LIPA: variants seen among roughly 807,000 people sequenced by gnomAD.
LIPA encodes the protein lysosomal acid lipase/cholesteryl ester hydrolase.
Under a neutral mutation model 40.6 loss-of-function variants are expected in LIPA, and 26 were observed. That is an observed-to-expected ratio of 0.64 (90% confidence interval 0.47 to 0.89). The LOEUF (loss-of-function observed/expected upper bound fraction) is 0.89, where lower values mean the gene tolerates loss of function less well. LIPA is among the 40% of genes least tolerant of loss of function. The probability of loss-of-function intolerance (pLI) is 0.00; values close to 1 mark genes in which losing one functional copy is unlikely to be tolerated. For missense variants in LIPA, 455 were observed against 479.6 expected, an observed-to-expected ratio of 0.95 and a Z score of 0.48; for synonymous variants, 188 against 168.4, an observed-to-expected ratio of 1.12 and a Z score of -0.90.
chr10:89,383,924 A>G (rs1844183293), intron 2 of LIPA: 2 of 1,614,210 alleles, frequency 1.2e-6, no homozygotes, highest in Non-Finnish European at 1.7e-6. Flanking sequence ...TTTTCTCTGC[A>G]CGTCCTAAAA....
chr10:89,288,207 A>T (rs551395818), intron 1 of LIPA, among the ~76,000 whole-genome samples: 1 of 136,880 alleles, frequency 7.3e-6, no homozygotes, highest in Non-Finnish European at 1.7e-5. Context: ...CCAAACCCCA[A>T]CTCCTTCTAC....
intron 1 of LIPA, chr10:89,413,052 T>C (rs1841488524): frequency 6.2e-6 from 1 of 162,376 alleles, no homozygotes; most frequent in Non-Finnish European, 1.4e-5. Flanking sequence ...TGTTCCCCAC[T>C]GTGTCCGTGT....
chr10:89,223,368 TTTATAC>T (rs1198540776), intron 7 of LIPA, among the ~76,000 whole-genome samples: 5 of 152,162 alleles, frequency 3.3e-5, no homozygotes, highest in Non-Finnish European at 7.3e-5. Flanking sequence ...CATCTTTATG[TTTATAC>T]TTATAATGAT....
chr10:89,327,475 CA>C (rs1459700815), intron 1 of LIPA, among the ~76,000 whole-genome samples: 8 of 151,940 alleles, frequency 5.3e-5, no homozygotes, highest in African/African-American at 1.7e-4. Flanking sequence ...CACTTGAACC[CA>C]GGAGGCAGAG....
intron 2 of LIPA, among the ~76,000 whole-genome samples, chr10:89,352,295 C>T (rs1287033220): frequency 1.3e-5 from 2 of 152,146 alleles, no homozygotes; most frequent in African/African-American, 4.8e-5. Flanking sequence ...AAGGGCAGTG[C>T]GGGTTTTCAT....
At chr10:89,237,965 A>C (rs1200129019) in intron 3 of LIPA, among the ~76,000 whole-genome samples, 1 of 152,250 alleles carries the variant, frequency 6.6e-6, no homozygotes, top group Non-Finnish European at 1.5e-5. Flanking sequence ...GAACCCCAAC[A>C]GAGAGAACAT....
intron 2 of LIPA, chr10:89,406,093 T>C (rs1328006857): frequency 6.6e-6 from 1 of 152,226 alleles, no homozygotes; most frequent in African/African-American, 2.4e-5. Context: ...AATACATTTT[T>C]TGCTTCAACT....
At chr10:89,223,611 C>T in intron 7 of LIPA, 73 bp downstream of exon 7, 2 of 1,209,154 alleles carry the variant, frequency 1.7e-6, no homozygotes, top group Non-Finnish European at 2.5e-6. Flanking sequence ...CCCACCTCTC[C>T]CATATCATTC....
chr10:89,345,298 G>A (rs148198882), upstream of LIPA, among the ~76,000 whole-genome samples: 1,378 of 152,096 alleles, frequency 9.1e-3, 21 homozygotes, highest in African/African-American at 0.032. Context: ...GGAGGCTGAG[G>A]TGAGCAGATT....
rs1418292949 is a variant in LIPA, at chr10:89,214,686, G to T, written c.*142C>A. ...TCTAATTGAAACTAGAGTGAACTGG[G>T]CATCTTCAAAGTTATCATTTTCTTG... is the stretch of plus-strand genomic sequence containing the variant. On this transcript the variant is annotated 3_prime_UTR_variant, in exon 10 of 10. Transcript: ENST00000336233. 1.6e-6 allele frequency: 1 copy of T among 635,988 alleles called. No individual in the cohort carries two copies. Among genetic ancestry groups the T allele is most frequent in the African/African-American group, 1.8e-5 (1 of 54,306 alleles). 39.4% of individuals were successfully genotyped at this position (635,988 alleles called of 1,614,324 possible).
upstream of LIPA, among the ~76,000 whole-genome samples, chr10:89,344,177 A>T (rs1353249553): frequency 2.0e-5 from 3 of 152,262 alleles, no homozygotes; most frequent in Admixed American, 6.5e-5. Context: ...CCTGTGTATC[A>T]CAATGAAAAA....
chr10:89,373,334 CAAA>C (rs34479360), intron 2 of LIPA, among the ~76,000 whole-genome samples: 694 of 63,116 alleles, frequency 0.011, 7 homozygotes, highest in African/African-American at 0.039. Context: ...GACTCCCTCT[CAAA>C]AAAAAAAAAA....
intron 2 of LIPA, among the ~76,000 whole-genome samples, chr10:89,353,506 A>G (rs1169818244): frequency 6.6e-6 from 1 of 152,218 alleles, no homozygotes; most frequent in Non-Finnish European, 1.5e-5. Context: ...CCAACTTGCA[A>G]ACCCCAAGTC....
At chr10:89,310,178 C>A (rs756824098) in intron 1 of LIPA, among the ~76,000 whole-genome samples, 5 of 152,080 alleles carry the variant, frequency 3.3e-5, no homozygotes, top group Non-Finnish European at 7.4e-5. Flanking sequence ...TGTGTTGGTT[C>A]CAAGTAGTTC....
chr10:89,258,973 A>T (rs1843194198), intron 1 of LIPA, among the ~76,000 whole-genome samples: 1 of 152,260 alleles, frequency 6.6e-6, no homozygotes, highest in Non-Finnish European at 1.5e-5. Context: ...TTCCACTTGC[A>T]TGAAATGTCC....
intron 3 of LIPA, among the ~76,000 whole-genome samples, chr10:89,235,002 A>C (rs899939477): frequency 2.0e-5 from 3 of 152,248 alleles, no homozygotes; most frequent in Non-Finnish European, 4.4e-5. Context: ...ACCACAGGCC[A>C]TGCTTTTCAG....
chr10:89,226,696 C>A (rs1037765182), intron 5 of LIPA, among the ~76,000 whole-genome samples, 199 bp downstream of exon 5: 4 of 152,176 alleles, frequency 2.6e-5, no homozygotes, highest in African/African-American at 9.7e-5. Context: ...ACATTAATTT[C>A]TTCAATTTCA....
At chr10:89,247,975 C>T (rs1246928304) in intron 1 of LIPA, 1 of 158,446 alleles carries the variant, frequency 6.3e-6, no homozygotes, top group Non-Finnish European at 1.3e-5. Flanking sequence ...TCAAGCAATT[C>T]TTCTGCCTCA....
At chr10:89,230,597 C>G (rs925566094) in intron 3 of LIPA, among the ~76,000 whole-genome samples, 1 of 152,146 alleles carries the variant, frequency 6.6e-6, no homozygotes, top group Non-Finnish European at 1.5e-5. Context: ...TGAGCCACCA[C>G]GCCCAGCCCG....
Sources: gnomAD v4.1 joint callset for allele counts (sites outside exome capture counted in the v4.1 genomes callset) on GRCh38, gnomAD v4.1.1 for gene constraint, MANE v1.5 for transcripts, NCBI Gene and HGNC (gene_info 2026-07-23, HGNC 2026-07-21) for gene names.